Variants in SYCP1 observed in about 807,000 individuals in gnomAD.
SYCP1 encodes the protein synaptonemal complex protein 1.
Under a neutral mutation model 153.1 loss-of-function variants are expected in SYCP1, and 64 were observed. That is an observed-to-expected ratio of 0.42 (90% CI 0.34 to 0.51). SYCP1 has a LOEUF of 0.51. Ranked by LOEUF, SYCP1 falls within the 20% of genes least tolerant of loss-of-function variation. The probability of loss-of-function intolerance (pLI) is 0.06; values close to 1 mark genes in which losing one functional copy is unlikely to be tolerated. For missense variants in SYCP1, 997 were observed against 1,049.0 expected, an observed-to-expected ratio of 0.95 and a Z score of 0.68; for synonymous variants, 384 against 341.8, an observed-to-expected ratio of 1.12 and a Z score of -1.36.
At chr1:114,954,112 G>A (rs531313333) in intron 27 of SYCP1, among the ~76,000 whole-genome samples, 69 of 152,114 alleles carry the variant, frequency 4.5e-4, no homozygotes, top group Non-Finnish European at 7.4e-4. Context: ...ACATTTATGA[G>A]GTGCAATCTG....
chr1:114,920,940 C>G (rs967672047), intron 20 of SYCP1, among the ~76,000 whole-genome samples: 11 of 152,068 alleles, frequency 7.2e-5, no homozygotes, highest in Non-Finnish European at 1.0e-4. Flanking sequence ...TTCAATTGCT[C>G]TATGTCTTTT....
chr1:114,994,975 G>C lies in SYCP1; in HGVS notation c.2887G>C (p.Asp963His). Residue 963 changes from aspartate to histidine, a missense_variant, in exon 32 of 32, where the codon GAT becomes CAT. Asp to His is a moderately conservative substitution (Grantham distance 81). This residue lies in a region of SYCP1 where 712 missense variants were observed against 682.9 expected (regional missense o/e 1.04). Transcript: ENST00000369522. ...CCGTTGGGCTGTAATTGCTAAAATG[G>C]ATAGAAAAAAAAAACTAAAAGAAGC... ...EDRWAVIAKM[D>H]RKKKLKEAEK... 6.2e-7 allele frequency: 1 copy of C among 1,604,010 alleles called. No homozygotes were observed. Among genetic ancestry groups the C allele is most frequent in the South Asian group, 1.1e-5 (1 of 89,800 alleles).
Position 114,961,148 on chromosome 1 carries a change from T to C in SYCP1, c.2322+13828T>C, listed in dbSNP as rs1341306281. On this transcript the variant is annotated intron_variant, in intron 27 of 31. Transcript: ENST00000369522. ...TTCTAGTTTGTGCATGTTAAGGTGT[T>C]CATAGTAGCCTTGATCTTTTTTATT... 3.9e-5 allele frequency among the ~76,000 whole-genome samples: 6 copies of C among 152,160 alleles called. No individual in the cohort carries two copies. In the South Asian group the frequency reaches 1.2e-3, roughly 32 times the overall value.
intron 12 of SYCP1, among the ~76,000 whole-genome samples, chr1:114,881,056 TACACACACACACACAC>T (rs67335338): frequency 2.1e-5 from 3 of 144,940 alleles, no homozygotes; most frequent in African/African-American, 7.9e-5. Flanking sequence ...TTTGTGTATA[TACACACACACACACAC>T]ACACACACAC....
intron 28 of SYCP1, among the ~76,000 whole-genome samples, chr1:114,980,226 G>T (rs2101944498): frequency 6.6e-6 from 1 of 151,966 alleles, no homozygotes; most frequent in East Asian, 1.9e-4. Flanking sequence ...TGCCACGATT[G>T]TATTCGTGGA....
At chr1:114,928,555 C>T (rs1669411329) in intron 23 of SYCP1, among the ~76,000 whole-genome samples, 1 of 152,064 alleles carries the variant, frequency 6.6e-6, no homozygotes, top group African/African-American at 2.4e-5. Flanking sequence ...CAATGAAAAG[C>T]ACTGGAAATA....
intron 30 of SYCP1, among the ~76,000 whole-genome samples, chr1:114,994,067 G>A (rs909290915): frequency 1.1e-4 from 17 of 150,634 alleles, no homozygotes; most frequent in Non-Finnish European, 2.5e-4. Context: ...TCCTTTTTGA[G>A]GCTGAATAAT....
At chr1:114,943,020 G>A (rs1670482399) in intron 23 of SYCP1, among the ~76,000 whole-genome samples, 1 of 151,856 alleles carries the variant, frequency 6.6e-6, no homozygotes, top group Non-Finnish European at 1.5e-5. Flanking sequence ...CAGAAAATAT[G>A]AAGAGTTAAA....
intron 27 of SYCP1, among the ~76,000 whole-genome samples, chr1:114,950,577 A>G (rs895871100): frequency 6.6e-6 from 1 of 152,114 alleles, no homozygotes; most frequent in Non-Finnish European, 1.5e-5. Context: ...ACAGTTATAG[A>G]GATAATACCT....
At chr1:114,854,145 C>CCT (rs967305101), upstream of SYCP1, among the ~76,000 whole-genome samples, 3 of 150,738 alleles carry the variant, frequency 2.0e-5, no homozygotes, top group South Asian at 4.2e-4. Flanking sequence ...TCCTCTGTCT[C>CCT]CTCTCTCTCT....
At chr1:114,946,976 C>T (rs1241971767) in intron 26 of SYCP1, among the ~76,000 whole-genome samples, 1 of 152,106 alleles carries the variant, frequency 6.6e-6, no homozygotes, top group Non-Finnish European at 1.5e-5. Flanking sequence ...AAACTCCTGA[C>T]CTCGAGTGAT....
intron 29 of SYCP1, among the ~76,000 whole-genome samples, chr1:114,982,389 C>T (rs980872289): frequency 6.6e-6 from 1 of 151,864 alleles, no homozygotes; most frequent in Non-Finnish European, 1.5e-5. Context: ...TGCAAGGTGT[C>T]TGCAAGTCTC....
chr1:114,938,006 A>G lies in SYCP1; in HGVS notation c.1927-6333A>G, dbSNP rs562945905. Among the ~76,000 whole-genome samples, 13 of 152,346 alleles carry G rather than the reference A, an allele frequency of 8.5e-5. No individual in the cohort carries two copies. The East Asian group carries it at 2.3e-3, about 27-fold the overall frequency. On this transcript the variant is annotated intron_variant, in intron 23 of 31. Transcript: ENST00000369522. ...CAGTGTGGTGATTCCTCAGGGACCTAGAACTAGAAATACCATTTGACCCAG... is the reference window on the plus strand; with the variant it reads ...CAGTGTGGTGATTCCTCAGGGACCTGGAACTAGAAATACCATTTGACCCAG...
At chr1:114,947,181 T>C in intron 26 of SYCP1, 65 bp from the exon 27 acceptor site, 1 of 1,197,884 alleles carries the variant, frequency 8.3e-7, no homozygotes. Context: ...AGCACTAGTT[T>C]ATATTTTCAT....
intron 16 of SYCP1, among the ~76,000 whole-genome samples, chr1:114,905,910 T>A (rs1209040389): frequency 6.6e-6 from 1 of 152,168 alleles, no homozygotes; most frequent in African/African-American, 2.4e-5. Context: ...ATCTGTACAG[T>A]CTGTAGGATT....
intron 16 of SYCP1, among the ~76,000 whole-genome samples, chr1:114,897,556 G>A (rs1667153641): frequency 6.6e-6 from 1 of 152,128 alleles, no homozygotes; most frequent in African/African-American, 2.4e-5. Context: ...ACCAGTTTAA[G>A]GTTTGAGAAA....
chr1:114,949,260 A>G (rs1438805308), intron 27 of SYCP1, among the ~76,000 whole-genome samples: 1 of 152,206 alleles, frequency 6.6e-6, no homozygotes, highest in African/African-American at 2.4e-5. Context: ...TTTTAGTATT[A>G]AAATGATACT....
chr1:114,917,040 A>G (rs957348313), intron 20 of SYCP1, among the ~76,000 whole-genome samples: 15 of 152,074 alleles, frequency 9.9e-5, no homozygotes, highest in African/African-American at 3.6e-4. Context: ...AAGTACATGT[A>G]AATTATTATT....
intron 30 of SYCP1, among the ~76,000 whole-genome samples, chr1:114,988,470 A>C (rs1159638328): frequency 1.3e-5 from 2 of 152,014 alleles, no homozygotes; most frequent in East Asian, 3.9e-4. Context: ...CTGATTTTTC[A>C]TCAGAAATGT....
Sources: allele counts gnomAD v4.1 joint callset (sites outside exome capture counted in the v4.1 genomes callset), GRCh38; gene constraint gnomAD v4.1.1; regional missense constraint gnomAD v4.1.1; transcripts MANE v1.5; gene names NCBI Gene and HGNC (gene_info 2026-07-23, HGNC 2026-07-21).